The following EPHB2 variants were observed in gnomAD, a reference collection of about 807,000 sequenced individuals.
EPHB2 encodes ephrin type-B receptor 2.
In EPHB2, 18 loss-of-function variants were observed where a neutral mutation model predicts 96.4. The ratio of observed to expected loss-of-function variants is 0.19; its 90% CI spans 0.13 to 0.28. The LOEUF (loss-of-function observed/expected upper bound fraction) is 0.28, where lower values mean the gene tolerates loss of function less well. EPHB2 is among the 10% of genes least tolerant of loss of function. The probability of loss-of-function intolerance (pLI) is 1.00; values close to 1 mark genes in which losing one functional copy is unlikely to be tolerated. For missense variants in EPHB2, 989 were observed against 1,355.4 expected (o/e 0.73, Z 4.25); for synonymous variants, 506 against 534.1 (o/e 0.95, Z 0.72).
At chr1:22,718,608 C>T (rs1643354984) in intron 1 of EPHB2, among the ~76,000 whole-genome samples, 1 of 151,940 alleles carries the variant, frequency 6.6e-6, no homozygotes, top group South Asian at 2.1e-4. Flanking sequence ...AGGCTGGTCT[C>T]GAACTCTGAC....
Position 22,920,715 on chromosome 1 carries a change from C to A in EPHB2, c.*7145C>A, listed in dbSNP as rs1640375301. Reference sequence around the variant, plus strand: ...CCAGCATAGGCCAGGCAGGGACATTCACTCACAACCAGCCTTTTTGGACTC... The same window carrying A: ...CCAGCATAGGCCAGGCAGGGACATTAACTCACAACCAGCCTTTTTGGACTC... On this transcript the variant is annotated 3_prime_UTR_variant, in exon 16 of 16. Coordinates refer to ENST00000374630, the MANE Select transcript of EPHB2 (RefSeq NM_017449.5). 1 of 152,206 alleles carries A rather than the reference C, an allele frequency of 6.6e-6. No homozygotes were observed. Among genetic ancestry groups the A allele is most frequent in the Non-Finnish European group, 1.5e-5 (1 of 68,062 alleles). The allele number at this position is 152,206 out of a possible 1,614,324, so 9.4% of individuals were successfully genotyped here.
At chr1:22,726,819 A>G (rs1486909454) in intron 1 of EPHB2, among the ~76,000 whole-genome samples, 1 of 152,216 alleles carries the variant, frequency 6.6e-6, no homozygotes, top group African/African-American at 2.4e-5. Flanking sequence ...ATACTTGTGT[A>G]TGAGATGGAA....
chr1:22,720,433 C>G (rs746781287), intron 1 of EPHB2, among the ~76,000 whole-genome samples: 2 of 152,166 alleles, frequency 1.3e-5, no homozygotes, highest in Non-Finnish European at 2.9e-5. Context: ...AATCAGGTGA[C>G]ACTCAGAGTT....
chr1:22,854,678 G>A (rs922899574), intron 3 of EPHB2, among the ~76,000 whole-genome samples: 2 of 152,180 alleles, frequency 1.3e-5, no homozygotes, highest in Admixed American at 1.3e-4. Flanking sequence ...GGAGGCCATG[G>A]ACCAGGGAGG....
rs1026205166 is a variant in EPHB2, at chr1:22,860,272, G to A, written c.812-2765G>A. On this transcript the variant is annotated intron_variant, in intron 3 of 15. Coordinates refer to ENST00000374630, the MANE Select transcript of EPHB2 (RefSeq NM_017449.5). This position sits in a 1 kb window ranked among gnomAD's most constrained non-coding sequence, Gnocchi z 4.6. Reference sequence around the variant, plus strand: ...AAGAGCTTTCTAGATGCTGGCAGCGGGGGGAGCGGCCAAGACCAGACCAGA... The same window carrying A: ...AAGAGCTTTCTAGATGCTGGCAGCGAGGGGAGCGGCCAAGACCAGACCAGA... Among the ~76,000 whole-genome samples the A allele has an allele frequency of 6.6e-6, 1 of 152,126 alleles. No homozygotes were observed. Among genetic ancestry groups the A allele is most frequent in the Non-Finnish European group, 1.5e-5 (1 of 68,026 alleles).
chr1:22,752,020 T>C (rs1644070695), intron 1 of EPHB2, among the ~76,000 whole-genome samples: 1 of 152,244 alleles, frequency 6.6e-6, no homozygotes, highest in Non-Finnish European at 1.5e-5. Context: ...CGTTCACTAG[T>C]TCCGTGTGGC....
intron 5 of EPHB2, among the ~76,000 whole-genome samples, chr1:22,878,865 C>T (rs1000303377): frequency 1.3e-5 from 2 of 152,226 alleles, no homozygotes; most frequent in Non-Finnish European, 2.9e-5. Flanking sequence ...GCGAGCACAC[C>T]TGGCAGCAGC....
At position 22,790,170 on chromosome 1, in the gene EPHB2, A is replaced by G. The variant is rs1024120298; in HGVS notation, c.811+5094A>G. Among the ~76,000 whole-genome samples the G allele has an allele frequency of 1.3e-5, 2 of 152,206 alleles. No individual in the cohort carries two copies. The highest frequency in any genetic ancestry group is 4.8e-5 in the African/African-American group (2 of 41,454). The stretch of plus-strand genomic sequence containing the variant: ...TGAAGGTAGGGAGGAAGGGAATTGT[A>G]GGCAGAGAGAACTATACGAATAAAG... On this transcript the variant is annotated intron_variant, in intron 3 of 15. Transcript: ENST00000374630. This position sits in a 1 kb window ranked among gnomAD's most constrained non-coding sequence, Gnocchi z 4.0.
chr1:22,739,476 A>G (rs1643879157), intron 1 of EPHB2, among the ~76,000 whole-genome samples: 2 of 152,172 alleles, frequency 1.3e-5, no homozygotes, highest in Admixed American at 1.3e-4. Context: ...TTGGCCTCCC[A>G]AAGTGCTGGG....
chr1:22,837,264 G>A (rs1645399523), intron 3 of EPHB2, among the ~76,000 whole-genome samples: 1 of 152,202 alleles, frequency 6.6e-6, no homozygotes. Context: ...AGGGGCCCCT[G>A]GGACCCCCAG....
intron 1 of EPHB2, among the ~76,000 whole-genome samples, chr1:22,713,918 A>G (rs1643226525): frequency 1.3e-5 from 2 of 152,320 alleles, no homozygotes; most frequent in South Asian, 4.1e-4. Flanking sequence ...AAGTGAAAGA[A>G]AGCATGGAGC....
intron 3 of EPHB2, among the ~76,000 whole-genome samples, chr1:22,842,704 A>G (rs1267647345): frequency 6.6e-6 from 1 of 151,976 alleles, no homozygotes; most frequent in Non-Finnish European, 1.5e-5. Context: ...CAGTTCCCCC[A>G]TATTCACCTG....
At chr1:22,815,729 T>A (rs1488815621) in intron 3 of EPHB2, among the ~76,000 whole-genome samples, 1 of 152,228 alleles carries the variant, frequency 6.6e-6, no homozygotes, top group African/African-American at 2.4e-5. Context: ...ATCTGTTATA[T>A]TTGCAAGGGC....
At chr1:22,861,541 G>C (rs1432853997) in intron 3 of EPHB2, among the ~76,000 whole-genome samples, 1 of 152,206 alleles carries the variant, frequency 6.6e-6, no homozygotes, top group Non-Finnish European at 1.5e-5. Flanking sequence ...GCTGGGTGCA[G>C]ATTCTAAGCT....
Position 22,909,050 on chromosome 1 carries a change from C to A in EPHB2, c.2381C>A (p.Ala794Asp), listed in dbSNP as rs1185038656. 6.2e-7 allele frequency: 1 copy of A among 1,614,166 alleles called. No homozygotes were observed. ...LGGKIPIRWTAPEAIQYRKFT... is the reference protein window; with the variant it reads ...LGGKIPIRWTDPEAIQYRKFT... ...GGAAAGATCCCCATCCGCTGGACAGCCCCGGAAGCCATCCAGTACCGGAAG... is the reference window on the plus strand; with the variant it reads ...GGAAAGATCCCCATCCGCTGGACAGACCCGGAAGCCATCCAGTACCGGAAG... The change falls in exon 13 of 16, where the codon GCC becomes GAC. Residue 794 changes from alanine (A) to aspartate (D), a missense_variant. Transcript: ENST00000374630.
intron 3 of EPHB2, among the ~76,000 whole-genome samples, chr1:22,815,064 C>T (rs1351078664): frequency 6.6e-6 from 1 of 152,278 alleles, no homozygotes; most frequent in Admixed American, 6.5e-5. Flanking sequence ...CTGAGAGGTG[C>T]TTGTGGATGC....
intron 1 of EPHB2, among the ~76,000 whole-genome samples, chr1:22,739,688 T>G (rs918223450): frequency 2.5e-4 from 38 of 152,176 alleles, no homozygotes; most frequent in Non-Finnish European, 1.5e-5. Context: ...ATCAGACCCA[T>G]CCCAGTCTGA....
At chr1:22,807,665 C>T (rs1158358648) in intron 3 of EPHB2, among the ~76,000 whole-genome samples, 1 of 150,842 alleles carries the variant, frequency 6.6e-6, no homozygotes, top group African/African-American at 2.5e-5. Context: ...GACCCTTACA[C>T]AGTGGCAGTG....
intron 1 of EPHB2, among the ~76,000 whole-genome samples, chr1:22,746,458 T>C (rs1473024954): frequency 6.6e-6 from 1 of 152,100 alleles, no homozygotes; most frequent in African/African-American, 2.4e-5. Flanking sequence ...GAGAGCTCCA[T>C]GAAGAGTGGG....
Sources: allele counts gnomAD v4.1 joint callset (sites outside exome capture counted in the v4.1 genomes callset), GRCh38; gene constraint gnomAD v4.1.1; non-coding constraint Gnocchi (gnomAD v3.1); transcripts MANE v1.5; gene names NCBI Gene and HGNC (gene_info 2026-07-23, HGNC 2026-07-21).